CROCC: variants seen among roughly 807,000 people sequenced by gnomAD.
CROCC encodes rootletin.
Under a neutral mutation model 245.2 loss-of-function variants are expected in CROCC, and 180 were observed. That is an observed-to-expected ratio of 0.73 (90% CI 0.65 to 0.83). The LOEUF is 0.83. Among genes scored for constraint, CROCC ranks in the 40% least tolerant of loss-of-function variants. The pLI, the probability that CROCC is intolerant of heterozygous loss-of-function variation, is 0.00. For missense variants in CROCC, 2,688 were observed against 2,779.4 expected (o/e 0.97, Z 0.74); for synonymous variants, 1,205 against 1,241.6 (o/e 0.97, Z 0.62).
chr1:16,963,914 G>C (rs2076374972), intron 27 of CROCC, among the ~76,000 whole-genome samples: 2 of 151,984 alleles, frequency 1.3e-5, no homozygotes, highest in Non-Finnish European at 2.9e-5. Context: ...TCCTGCCTCA[G>C]CCTCCTGAGT....
intron 13 of CROCC, among the ~76,000 whole-genome samples, chr1:16,943,499 C>T (rs1265868037): frequency 1.3e-5 from 2 of 152,102 alleles, no homozygotes; most frequent in African/African-American, 4.8e-5. Context: ...GATTGCGCTA[C>T]TGCACTCCAG....
chr1:16,958,252 C>T (rs1570692482), intron 25 of CROCC, among the ~76,000 whole-genome samples: 1 of 152,226 alleles, frequency 6.6e-6, no homozygotes. Flanking sequence ...AAACGTTCAT[C>T]GCCATCGTAG....
Position 16,954,266 on chromosome 1 carries a change from A to G in CROCC, c.3230A>G (p.Lys1077Arg), listed in dbSNP as rs1283844359. ...TCTGAGAAGACGGCGCTGTCAGAGA[A>G]GTTGATGGGTACACGGCACAGCCTG... is the stretch of plus-strand genomic sequence containing the variant. Reference protein sequence around the residue: ...KESEKTALSEKLMGTRHSLAT... With the variant: ...KESEKTALSERLMGTRHSLAT... Residue 1077 changes from lysine (K) to arginine (R), a missense_variant, in exon 22 of 37, where the codon AAG becomes AGG. Lys to Arg is a conservative substitution (Grantham distance 26, BLOSUM62 2). This residue lies in a region of CROCC where 1 missense variants were observed against 19.1 expected (regional missense o/e 0.05). Transcript: ENST00000375541. This position sits in a 1 kb window ranked among gnomAD's most constrained non-coding sequence, Gnocchi z 4.4. The G allele has an allele frequency of 6.2e-7, 1 of 1,611,738 alleles. No individual in the cohort carries two copies. Among genetic ancestry groups the G allele is most frequent in the Non-Finnish European group, 8.5e-7 (1 of 1,179,862 alleles).
At chr1:16,947,209 G>C (rs546648519) in intron 17 of CROCC, among the ~76,000 whole-genome samples, 4 of 152,404 alleles carry the variant, frequency 2.6e-5, no homozygotes, top group South Asian at 4.1e-4. Flanking sequence ...AGGCGCAGTG[G>C]CTCACGCCTA....
At chr1:16,950,880 C>A (rs3969857) in intron 19 of CROCC, 73 bp from the exon 20 acceptor site, 11 of 1,359,122 alleles carry the variant, frequency 8.1e-6, no homozygotes, top group Non-Finnish European at 1.1e-5. Context: ...ATGTGGCTCA[C>A]CTGGCCTAAG....
rs780410835 is a variant in CROCC, at chr1:16,948,393, G to A, written c.2577G>A (p.Arg859=). 3.8e-6 allele frequency: 6 copies of A among 1,577,018 alleles called. No homozygotes were observed. Among genetic ancestry groups the A allele is most frequent in the Non-Finnish European group, 5.2e-6 (6 of 1,164,174 alleles). ...ELEQARREAQ[R]QVEALERAAR... is the part of the protein sequence containing the mutation. ...AGCAGGCCCGGCGGGAGGCCCAGCGGCAAGTGGAGGCGCTGGAGCGAGCGG... is the reference window on the plus strand; with the variant it reads ...AGCAGGCCCGGCGGGAGGCCCAGCGACAAGTGGAGGCGCTGGAGCGAGCGG... Residue 859 remains arginine (R), a synonymous_variant, in exon 18 of 37, where the codon CGG becomes CGA. Coordinates refer to ENST00000375541, the MANE Select transcript of CROCC (RefSeq NM_014675.5).
intron 19 of CROCC, among the ~76,000 whole-genome samples, chr1:16,950,188 C>G (rs572201515): frequency 5.3e-5 from 8 of 151,584 alleles, no homozygotes; most frequent in African/African-American, 1.9e-4. Flanking sequence ...CTCAGCCTCC[C>G]AAGTAGCTGG....
chr1:16,957,118 G>A lies in CROCC; in HGVS notation c.3864+962G>A, dbSNP rs371570088. On this transcript the variant is annotated intron_variant, in intron 25 of 36. Coordinates refer to ENST00000375541, the MANE Select transcript of CROCC (RefSeq NM_014675.5). ...GAAAACCTGTCTCTACTAAAAATAC[G>A]AAAAATTAGCCAGCTGTGATGGCTC... 3.3e-5 allele frequency among the ~76,000 whole-genome samples: 5 copies of A among 152,164 alleles called. No homozygotes were observed. The East Asian group carries it at 7.7e-4, about 24-fold the overall frequency.
Position 16,930,280 on chromosome 1 carries a change from A to C in CROCC, c.622-6A>C. 1 of 1,601,120 alleles carries C rather than the reference A, an allele frequency of 6.2e-7. No individual in the cohort carries two copies. Among genetic ancestry groups the C allele is most frequent in the South Asian group, 1.1e-5 (1 of 89,210 alleles). Reference sequence around the variant, plus strand: ...AACCTGATGCTTTAACCTCTCTCCCACCCAGGACACAGAGCACAGCCAAGA... The same window carrying C: ...AACCTGATGCTTTAACCTCTCTCCCCCCCAGGACACAGAGCACAGCCAAGA... On this transcript the variant is annotated splice_polypyrimidine_tract_variant and splice_region_variant and intron_variant, in intron 5 of 36. Transcript: ENST00000375541.
intron 27 of CROCC, among the ~76,000 whole-genome samples, chr1:16,964,985 T>A (rs2076395221): frequency 6.6e-6 from 1 of 152,058 alleles, no homozygotes; most frequent in Non-Finnish European, 1.5e-5. Flanking sequence ...CTGGCCAATT[T>A]TTGTATTTTC....
chr1:16,957,838 A>G (rs555935445), intron 25 of CROCC, among the ~76,000 whole-genome samples: 71 of 152,356 alleles, frequency 4.7e-4, no homozygotes, highest in Middle Eastern at 6.8e-3. Flanking sequence ...TCTGATAGCC[A>G]GAGATACCAC....
At chr1:16,968,931 T>TGGG in intron 31 of CROCC, 185 bp from the exon 32 acceptor site, 2 of 694,996 alleles carry the variant, frequency 2.9e-6, no homozygotes, top group Non-Finnish European at 5.1e-6. Flanking sequence ...AGCAATGGGA[T>TGGG]GGGGCCCAGG....
upstream of CROCC, among the ~76,000 whole-genome samples, chr1:16,918,732 T>C (rs374790376): frequency 2.2e-5 from 1 of 45,874 alleles, no homozygotes; most frequent in Non-Finnish European, 5.3e-5. Context: ...GCCGGTTTAG[T>C]TTTTTGTTTT....
Position 16,944,016 on chromosome 1 carries a change from T to A in CROCC, c.1809-84T>A, listed in dbSNP as rs2075990820. Reference sequence around the variant, plus strand: ...GCCTTGGAAGACTGGAGGATGTAGCTCATGGCTAGAGGAGCAGCCAGCCAC... The same window carrying A: ...GCCTTGGAAGACTGGAGGATGTAGCACATGGCTAGAGGAGCAGCCAGCCAC... On this transcript the variant is annotated intron_variant, in intron 13 of 36. Coordinates refer to ENST00000375541, the MANE Select transcript of CROCC (RefSeq NM_014675.5). The A allele has an allele frequency of 7.3e-5, 98 of 1,348,834 alleles. No individual in the cohort carries two copies. The South Asian group carries it at 1.4e-3, about 20-fold the overall frequency. The allele number at this position is 1,348,834 out of a possible 1,614,324, so 83.6% of individuals were successfully genotyped here.
At chr1:16,926,159 G>A (rs1190724411) in intron 3 of CROCC, among the ~76,000 whole-genome samples, 9 of 152,252 alleles carry the variant, frequency 5.9e-5, no homozygotes, top group South Asian at 2.1e-4. Flanking sequence ...CGCAGAGGGC[G>A]CCCGCTGCTT....
chr1:16,928,421 C>T (rs12028497), intron 3 of CROCC, among the ~76,000 whole-genome samples: 37 of 152,020 alleles, frequency 2.4e-4, no homozygotes, highest in South Asian at 8.3e-4. Flanking sequence ...TGAGGATGTG[C>T]GGGATGGAAG....
At chr1:16,970,878 G>A in intron 35 of CROCC, 111 bp downstream of exon 35, 1 of 1,311,700 alleles carries the variant, frequency 7.6e-7, no homozygotes, top group Non-Finnish European at 1.0e-6. Flanking sequence ...CCCTCCCCCA[G>A]GAGCCCTGAG....
intron 8 of CROCC, among the ~76,000 whole-genome samples, chr1:16,933,803 C>G (rs7417129): frequency 0.14 from 21,717 of 149,800 alleles, 910 homozygotes; most frequent in South Asian, 0.2. Flanking sequence ...AGGTGATCCA[C>G]CTACCTTGGT....
At chr1:16,948,123 C>G (rs1009479457) in intron 17 of CROCC, among the ~76,000 whole-genome samples, 9 of 152,406 alleles carry the variant, frequency 5.9e-5, no homozygotes, top group Non-Finnish European at 1.2e-4. Flanking sequence ...ACCACCGTAC[C>G]TGGCTGGGCC....
Sources: gnomAD v4.1 joint callset for allele counts (sites outside exome capture counted in the v4.1 genomes callset) on GRCh38, gnomAD v4.1.1 for gene constraint, gnomAD v4.1.1 regional missense constraint, Gnocchi (gnomAD v3.1) non-coding constraint, MANE v1.5 for transcripts, NCBI Gene and HGNC (gene_info 2026-07-23, HGNC 2026-07-21) for gene names.